Variants in UNC5C observed in about 807,000 individuals in gnomAD.
The protein encoded by UNC5C is netrin receptor UNC5C.
In UNC5C, 47 loss-of-function variants were observed where a neutral mutation model predicts 99.8. That is an observed-to-expected ratio of 0.47 (90% CI 0.37 to 0.60). The LOEUF (loss-of-function observed/expected upper bound fraction) is 0.60, where lower values mean the gene tolerates loss of function less well. UNC5C is among the 20% of genes least tolerant of loss of function. UNC5C has a pLI of 0.00. For synonymous variants in UNC5C, 487 were observed against 452.2 expected (o/e 1.08, Z -0.98); for missense variants, 1,062 against 1,165.9 (o/e 0.91, Z 1.30).
chr4:95,492,160 A>C (rs1213307754), intron 1 of UNC5C, among the ~76,000 whole-genome samples: 1 of 151,398 alleles, frequency 6.6e-6, no homozygotes, highest in East Asian at 1.9e-4. Flanking sequence ...TTTAAATAGC[A>C]ATGTATAGTT....
chr4:95,497,603 A>T (rs10516975), intron 1 of UNC5C, among the ~76,000 whole-genome samples: 3 of 151,928 alleles, frequency 2.0e-5, no homozygotes, highest in African/African-American at 7.3e-5. Flanking sequence ...AACAAATAAC[A>T]AGACTTAATG....
chr4:95,425,908 T>C (rs1746471001), intron 1 of UNC5C, among the ~76,000 whole-genome samples: 1 of 152,210 alleles, frequency 6.6e-6, no homozygotes, highest in African/African-American at 2.4e-5. Flanking sequence ...TATTATAACT[T>C]CAAAGAGTTT....
intron 1 of UNC5C, among the ~76,000 whole-genome samples, chr4:95,455,899 A>G (rs1747412486): frequency 6.6e-6 from 1 of 152,106 alleles, no homozygotes; most frequent in African/African-American, 2.4e-5. Context: ...TTTTCATTTT[A>G]AATTGCAATT....
At chr4:95,245,792 G>A (rs1283724467) in intron 5 of UNC5C, among the ~76,000 whole-genome samples, 4 of 152,162 alleles carry the variant, frequency 2.6e-5, no homozygotes, top group Non-Finnish European at 5.9e-5. Context: ...CAGCATATGT[G>A]ATTGTAAAAC....
At chr4:95,344,216 A>C (rs1905459) in intron 1 of UNC5C, among the ~76,000 whole-genome samples, 60,421 of 151,512 alleles carry the variant, frequency 0.4, 13,643 homozygotes, top group East Asian at 0.84. Flanking sequence ...AAACAACATA[A>C]AATGGAGCTC....
chr4:95,449,939 T>C (rs983455844), intron 1 of UNC5C, among the ~76,000 whole-genome samples: 8 of 152,340 alleles, frequency 5.3e-5, no homozygotes, highest in African/African-American at 1.9e-4. Context: ...TTCTTCAGAC[T>C]GCAGTGGAAA....
intron 1 of UNC5C, among the ~76,000 whole-genome samples, chr4:95,343,930 C>T (rs1300984149): frequency 6.6e-6 from 1 of 151,962 alleles, no homozygotes; most frequent in Admixed American, 6.6e-5. Flanking sequence ...AAATGAAGCA[C>T]ATCTACCACA....
intron 1 of UNC5C, among the ~76,000 whole-genome samples, chr4:95,479,379 A>T (rs1721064362): frequency 6.6e-6 from 1 of 151,970 alleles, no homozygotes; most frequent in Middle Eastern, 3.2e-3. Flanking sequence ...ATCCCTGGGC[A>T]TGTGATTAAA....
At chr4:95,231,239 A>G (rs987283726) in intron 7 of UNC5C, among the ~76,000 whole-genome samples, 3 of 152,042 alleles carry the variant, frequency 2.0e-5, no homozygotes, top group Admixed American at 6.5e-5. Context: ...CTTGCCTTTG[A>G]GGTTTACTCA....
chr4:95,333,013 A>G (rs1006413124), intron 2 of UNC5C, among the ~76,000 whole-genome samples: 3 of 152,316 alleles, frequency 2.0e-5, no homozygotes, highest in Non-Finnish European at 4.4e-5. Context: ...AATCAAAACC[A>G]CAATGAGATA....
intron 1 of UNC5C, among the ~76,000 whole-genome samples, chr4:95,547,325 T>C (rs1184854718): frequency 1.3e-5 from 2 of 152,098 alleles, no homozygotes; most frequent in Non-Finnish European, 2.9e-5. Context: ...AAAGCCTTGC[T>C]AATCACTTAC....
At chr4:95,315,494 G>A (rs375255187) in intron 2 of UNC5C, among the ~76,000 whole-genome samples, 1 of 152,284 alleles carries the variant, frequency 6.6e-6, no homozygotes, top group East Asian at 1.9e-4. Context: ...TTATGTAACT[G>A]TATAATATTG....
chr4:95,364,584 A>G (rs528314681), intron 1 of UNC5C, among the ~76,000 whole-genome samples: 1 of 152,262 alleles, frequency 6.6e-6, no homozygotes, highest in Admixed American at 6.5e-5. Flanking sequence ...TTTTACGGAG[A>G]AGGCAGGGGA....
chr4:95,297,381 T>G (rs1015806477), intron 3 of UNC5C, among the ~76,000 whole-genome samples: 5 of 152,210 alleles, frequency 3.3e-5, no homozygotes, highest in Non-Finnish European at 5.9e-5. Flanking sequence ...GAGGAAAGAT[T>G]AATGTCGAGC....
intron 7 of UNC5C, among the ~76,000 whole-genome samples, chr4:95,242,202 T>TG (rs1465833898): frequency 2.6e-5 from 4 of 152,210 alleles, no homozygotes; most frequent in Non-Finnish European, 5.9e-5. Context: ...CCCTTGCTCA[T>TG]GAAAAAGCAA....
intron 1 of UNC5C, among the ~76,000 whole-genome samples, chr4:95,507,539 C>A (rs184143912): frequency 6.6e-6 from 1 of 151,930 alleles, no homozygotes; most frequent in Non-Finnish European, 1.5e-5. Context: ...GATTTTTCTT[C>A]CTCTACACAC....
intron 1 of UNC5C, among the ~76,000 whole-genome samples, chr4:95,391,342 C>A (rs1745354129): frequency 6.6e-6 from 1 of 152,198 alleles, no homozygotes; most frequent in South Asian, 2.1e-4. Context: ...CTCAAGTGAT[C>A]CTTCTGCCTC....
chr4:95,482,944 G>A (rs1472673167), intron 1 of UNC5C, among the ~76,000 whole-genome samples: 7 of 140,128 alleles, frequency 5.0e-5, no homozygotes. Context: ...CACCAGCATG[G>A]CACATGTATA....
intron 1 of UNC5C, among the ~76,000 whole-genome samples, chr4:95,522,151 T>G (rs1197739642): frequency 6.6e-6 from 1 of 152,090 alleles, no homozygotes; most frequent in East Asian, 1.9e-4. Context: ...ATTTAAACAT[T>G]GTATAAAGGT....
Sources: allele counts gnomAD v4.1 joint callset (sites outside exome capture counted in the v4.1 genomes callset), GRCh38; gene constraint gnomAD v4.1.1; transcripts MANE v1.5; gene names NCBI Gene and HGNC (gene_info 2026-07-23, HGNC 2026-07-21).